Variants in TAS2R1 observed in about 807,000 individuals in gnomAD.
TAS2R1 encodes taste receptor type 2 member 1.
For missense variants in TAS2R1, 370 were observed against 353.4 expected, an observed-to-expected ratio of 1.05 and a Z score of -0.38; for synonymous variants, 141 against 134.2, an observed-to-expected ratio of 1.05 and a Z score of -0.35.
At chr5:9,822,576 T>C in the TAS2R1 span, among the ~76,000 whole-genome samples, 2 of 151,974 alleles carry the variant, frequency 1.3e-5, no homozygotes, top group East Asian at 1.9e-4. Context: ...CTCTCGATCT[T>C]CTGACCTCGT....
At chr5:9,716,196 G>C (rs1734807021), upstream of TAS2R1, among the ~76,000 whole-genome samples, 1 of 152,160 alleles carries the variant, frequency 6.6e-6, no homozygotes, top group African/African-American at 2.4e-5. Context: ...ATGTGCGCTG[G>C]GGAGGAGCCT....
the TAS2R1 span, among the ~76,000 whole-genome samples, chr5:9,732,339 A>G: frequency 2.6e-5 from 4 of 152,302 alleles, no homozygotes; most frequent in East Asian, 7.7e-4. Context: ...CGACCAGCAG[A>G]AGAGGAAGAG....
the TAS2R1 span, among the ~76,000 whole-genome samples, chr5:9,830,590 T>C: frequency 7.6e-6 from 1 of 132,194 alleles, no homozygotes; most frequent in African/African-American, 2.8e-5. Flanking sequence ...GGTAGGTAGA[T>C]AGACACGTGC....
chr5:9,798,539 C>G, the TAS2R1 span, among the ~76,000 whole-genome samples: 2 of 152,150 alleles, frequency 1.3e-5, no homozygotes, highest in African/African-American at 2.4e-5. Context: ...TTAATGGCAT[C>G]ACTACAAGGA....
At chr5:9,747,392 T>C in the TAS2R1 span, among the ~76,000 whole-genome samples, 1 of 152,168 alleles carries the variant, frequency 6.6e-6, no homozygotes, top group Non-Finnish European at 1.5e-5. Context: ...TCAAAAAGCA[T>C]GGCACCAGCA....
intron 1 of TAS2R1, among the ~76,000 whole-genome samples, chr5:9,709,363 A>G (rs1360813547): frequency 6.6e-6 from 1 of 151,894 alleles, no homozygotes; most frequent in Non-Finnish European, 1.5e-5. Context: ...TCATCATTCT[A>G]CTGAACCAAT....
At chr5:9,735,657 A>C in the TAS2R1 span, among the ~76,000 whole-genome samples, 3 of 152,170 alleles carry the variant, frequency 2.0e-5, no homozygotes, top group South Asian at 2.1e-4. Flanking sequence ...CCATGGTGAA[A>C]ACTACAGTTG....
At chr5:9,872,186 A>G in the TAS2R1 span, among the ~76,000 whole-genome samples, 1 of 152,196 alleles carries the variant, frequency 6.6e-6, no homozygotes, top group Non-Finnish European at 1.5e-5. Flanking sequence ...ATTATCTGCA[A>G]TGTTTCCCAA....
chr5:9,685,271 A>T (rs1274747991), intron 1 of TAS2R1, among the ~76,000 whole-genome samples: 1 of 152,198 alleles, frequency 6.6e-6, no homozygotes, highest in Non-Finnish European at 1.5e-5. Flanking sequence ...ACTTTAAGAA[A>T]AATATGAACT....
the TAS2R1 span, chr5:9,867,207 T>G: frequency 2.6e-5 from 4 of 152,072 alleles, no homozygotes; most frequent in Non-Finnish European, 5.9e-5. Flanking sequence ...AAAGAATTGG[T>G]TTTTGTTGAA....
chr5:9,753,468 T>C, the TAS2R1 span, among the ~76,000 whole-genome samples: 141 of 152,330 alleles, frequency 9.3e-4, no homozygotes, highest in Non-Finnish European at 1.5e-3. Context: ...GATGAGTAGA[T>C]TGCAAAAATT....
intron 1 of TAS2R1, among the ~76,000 whole-genome samples, chr5:9,666,387 C>T (rs922006874): frequency 6.6e-6 from 1 of 152,160 alleles, no homozygotes; most frequent in African/African-American, 2.4e-5. Flanking sequence ...CCTAAAATGC[C>T]ACATCCCCTG....
the TAS2R1 span, among the ~76,000 whole-genome samples, chr5:9,725,690 C>T: frequency 6.8e-6 from 1 of 146,748 alleles, no homozygotes; most frequent in South Asian, 2.1e-4. Flanking sequence ...GCCCCACCGA[C>T]CACCCAAGGG....
the TAS2R1 span, among the ~76,000 whole-genome samples, chr5:9,848,075 A>C: frequency 6.6e-6 from 1 of 152,192 alleles, no homozygotes; most frequent in Non-Finnish European, 1.5e-5. Context: ...ACATGGCACT[A>C]CACCATCCAA....
chr5:9,744,516 G>A, the TAS2R1 span, among the ~76,000 whole-genome samples: 1 of 151,652 alleles, frequency 6.6e-6, no homozygotes, highest in South Asian at 2.1e-4. Flanking sequence ...CATGCCAGTA[G>A]GGGTTGAGAA....
At chr5:9,743,396 G>A in the TAS2R1 span, among the ~76,000 whole-genome samples, 2 of 151,790 alleles carry the variant, frequency 1.3e-5, 1 homozygote, top group South Asian at 4.2e-4. Context: ...GTATACATGT[G>A]CCATGTTGGT....
At chr5:9,678,296 T>C (rs1001130632) in intron 1 of TAS2R1, among the ~76,000 whole-genome samples, 1 of 151,930 alleles carries the variant, frequency 6.6e-6, no homozygotes, top group Non-Finnish European at 1.5e-5. Flanking sequence ...TGCTGGTGAG[T>C]TTGCAGAGAA....
intron 2 of TAS2R1, among the ~76,000 whole-genome samples, chr5:9,651,157 T>C (rs897744453): frequency 6.6e-6 from 1 of 152,186 alleles, no homozygotes; most frequent in African/African-American, 2.4e-5. Flanking sequence ...ATTGAACATA[T>C]TCTGTCATCA....
intron 1 of TAS2R1, among the ~76,000 whole-genome samples, chr5:9,702,944 G>A (rs956704233): frequency 6.6e-6 from 1 of 151,768 alleles, no homozygotes; most frequent in African/African-American, 2.4e-5. Context: ...GAAAGGGAGA[G>A]GCCAGAAAGA....
Sources: gnomAD v4.1 joint callset for allele counts (sites outside exome capture counted in the v4.1 genomes callset) on GRCh38, gnomAD v4.1.1 for gene constraint, MANE v1.5 for transcripts, NCBI Gene and HGNC (gene_info 2026-07-23, HGNC 2026-07-21) for gene names.